LMNB1: variants seen among roughly 807,000 people sequenced by gnomAD.
LMNB1 encodes lamin B1.
Under a neutral mutation model 67.1 loss-of-function variants are expected in LMNB1, and 23 were observed. The observed-to-expected ratio is 0.34, with a 90% CI of 0.25 to 0.49. The LOEUF (loss-of-function observed/expected upper bound fraction) is 0.49. Among genes scored for constraint, LMNB1 ranks in the 20% least tolerant of loss-of-function variants. The pLI is 0.99. For missense variants in LMNB1, 634 were observed against 746.5 expected (o/e 0.85, Z 1.76); for synonymous variants, 281 against 282.9 (o/e 0.99, Z 0.07).
chr5:126,834,058 G>T (rs1353336268), intron 10 of LMNB1, among the ~76,000 whole-genome samples: 1 of 152,224 alleles, frequency 6.6e-6, no homozygotes, highest in Non-Finnish European at 1.5e-5. Context: ...ACTCAATCGA[G>T]CAGGCTGTGT....
At chr5:126,800,973 A>T (rs1267556512) in intron 1 of LMNB1, among the ~76,000 whole-genome samples, 858 of 60,734 alleles carry the variant, frequency 0.014, 23 homozygotes, top group African/African-American at 0.032. Context: ...ATATATATAT[A>T]TATATATAAT....
intron 1 of LMNB1, among the ~76,000 whole-genome samples, chr5:126,796,258 G>T (rs1355545173): frequency 6.6e-6 from 1 of 151,496 alleles, no homozygotes; most frequent in Non-Finnish European, 1.5e-5. Flanking sequence ...TCCTTTTTTT[G>T]CCTTGCCCTG....
In LMNB1 at chr5:126,783,059, C is replaced by T. The variant is rs550050085; in HGVS notation, c.359+5192C>T. ...CATAAAAATACAAAAATCAGCCGGGCGTGGTGGTGCACGCCTGTAATCCCA... is the reference window on the plus strand; with the variant it reads ...CATAAAAATACAAAAATCAGCCGGGTGTGGTGGTGCACGCCTGTAATCCCA... On this transcript the variant is annotated intron_variant, in intron 1 of 10. Transcript: ENST00000261366. 2.1e-3 allele frequency among the ~76,000 whole-genome samples: 317 copies of T among 151,570 alleles called. 3 individuals are homozygous for T. Among genetic ancestry groups the T allele is most frequent in the African/African-American group, 7.3e-3 (301 of 41,362 alleles).
intron 10 of LMNB1, among the ~76,000 whole-genome samples, chr5:126,833,844 A>G (rs1392323883): frequency 6.6e-6 from 1 of 152,232 alleles, no homozygotes; most frequent in South Asian, 2.1e-4. Flanking sequence ...ATGCTTGTCC[A>G]CTAATTTGAA....
intron 1 of LMNB1, among the ~76,000 whole-genome samples, chr5:126,801,572 C>T (rs529945541): frequency 6.6e-6 from 1 of 152,296 alleles, no homozygotes; most frequent in South Asian, 2.1e-4. Context: ...CAGTATCTTT[C>T]ACTTGGTAGT....
chr5:126,790,533 A>C (rs962740416), intron 1 of LMNB1, among the ~76,000 whole-genome samples: 3 of 152,064 alleles, frequency 2.0e-5, no homozygotes, highest in Non-Finnish European at 2.9e-5. Flanking sequence ...TTTGCCTATC[A>C]CACCTTTTGA....
intron 1 of LMNB1, among the ~76,000 whole-genome samples, chr5:126,795,969 G>A (rs534222091): frequency 1.9e-5 from 2 of 102,942 alleles, no homozygotes; most frequent in South Asian, 6.4e-4. Context: ...TTTCACTCTT[G>A]TTGCCCAGGT....
intron 1 of LMNB1, among the ~76,000 whole-genome samples, chr5:126,786,745 A>G (rs989798031): frequency 2.6e-5 from 4 of 152,110 alleles, no homozygotes; most frequent in African/African-American, 9.7e-5. Flanking sequence ...TACTAGTTGC[A>G]TGTTTTTCAC....
chr5:126,792,142 CTTTTTTT>C, intron 1 of LMNB1, among the ~76,000 whole-genome samples: 1 of 123,132 alleles, frequency 8.1e-6, no homozygotes, highest in African/African-American at 3.0e-5. Flanking sequence ...GATTTGGTTC[CTTTTTTT>C]TTTTTTTTTT....
chr5:126,829,903 A>G (rs1007712146), intron 9 of LMNB1, among the ~76,000 whole-genome samples: 1 of 152,132 alleles, frequency 6.6e-6, no homozygotes, highest in Admixed American at 6.6e-5. Context: ...GGGAGGGGGC[A>G]CTGGGTGGTT....
In LMNB1 at chr5:126,827,520, G is replaced by A. The variant is rs1752023906; in HGVS notation, c.1611+1413G>A. ...TACTAAAAACACAAGAATTAGCCGG[G>A]CATGGTGGCACGTGCCTGTAGTCCA... On this transcript the variant is annotated intron_variant, in intron 9 of 10. Transcript: ENST00000261366. 2.6e-5 allele frequency among the ~76,000 whole-genome samples: 4 copies of A among 152,126 alleles called. No homozygotes were observed. The South Asian group carries it at 8.3e-4, about 32-fold the overall frequency.
At chr5:126,801,185 G>A (rs772070112) in intron 1 of LMNB1, among the ~76,000 whole-genome samples, 19 of 149,952 alleles carry the variant, frequency 1.3e-4, no homozygotes, top group Non-Finnish European at 2.1e-4. Flanking sequence ...GGGTCTCACC[G>A]TGTTGCCCAG....
intron 5 of LMNB1, among the ~76,000 whole-genome samples, chr5:126,818,261 CAG>C (rs1035565096): frequency 1.9e-4 from 25 of 134,160 alleles, no homozygotes; most frequent in African/African-American, 6.7e-4. Flanking sequence ...TTTTTTGAGA[CAG>C]AGTCTCGCTC....
At position 126,808,033 on chromosome 5, in the gene LMNB1, G is replaced by A. The variant is rs1279962628; in HGVS notation, c.643-2147G>A. Among the ~76,000 whole-genome samples, 5 of 151,862 alleles carry A rather than the reference G, an allele frequency of 3.3e-5. No individual in the cohort carries two copies. In the East Asian group the frequency reaches 5.8e-4, roughly 18 times the overall value. On this transcript the variant is annotated intron_variant, in intron 3 of 10. Transcript: ENST00000261366. ...TCTACAGGCATGTGCCACCATGCCCGGCTAAGTTTTGTATTTTTAGTAGAG... is the reference window on the plus strand; with the variant it reads ...TCTACAGGCATGTGCCACCATGCCCAGCTAAGTTTTGTATTTTTAGTAGAG...
At chr5:126,787,437 A>ATATGTATATGTTATATATAACATATATTT in intron 1 of LMNB1, among the ~76,000 whole-genome samples, 1 of 138,608 alleles carries the variant, frequency 7.2e-6, no homozygotes, top group Non-Finnish European at 1.6e-5. Flanking sequence ...TATACATCTT[A>ATATGTATATGTTATATATAACATATATTT]TATGTATATG....
At chr5:126,787,546 A>ATATTTTTTTTTTTTTT in intron 1 of LMNB1, among the ~76,000 whole-genome samples, 7 of 65,572 alleles carry the variant, frequency 1.1e-4, no homozygotes, top group African/African-American at 2.6e-4. Flanking sequence ...ATATATATAT[A>ATATTTTTTTTTTTTTT]TTTTTTTTTT....
In LMNB1 at chr5:126,819,023, G is replaced by A. The variant is rs202037109; in HGVS notation, c.1041G>A (p.Ala347=). The A allele has an allele frequency of 5.4e-5, 87 of 1,613,936 alleles. No homozygotes were observed. Among genetic ancestry groups the A allele is most frequent in the Non-Finnish European group, 6.8e-5 (80 of 1,179,962 alleles). The change falls in exon 6 of 11, where the codon GCG becomes GCA. Residue 347 remains alanine, a synonymous_variant. Transcript: ENST00000261366. ...RMLTDKEREM[A]EIRDQMQQQL... ...TGACAGACAAAGAGAGAGAGATGGCGGAAATAAGGGATCAAATGCAGCAAC... is the reference window on the plus strand; with the variant it reads ...TGACAGACAAAGAGAGAGAGATGGCAGAAATAAGGGATCAAATGCAGCAAC...
intron 3 of LMNB1, among the ~76,000 whole-genome samples, chr5:126,806,243 A>G (rs531603072): frequency 3.9e-5 from 6 of 152,326 alleles, no homozygotes; most frequent in South Asian, 4.1e-4. Context: ...GTGAGCCACC[A>G]CATCCGGCCT....
rs558432904 is a variant in LMNB1 at position 126,777,616 on chromosome 5, G to C, written c.108G>C (p.Leu36=). 2.5e-5 allele frequency: 38 copies of C among 1,540,830 alleles called. No individual in the cohort carries two copies. In the African/African-American group the frequency reaches 3.6e-4, roughly 15 times the overall value. The change falls in exon 1 of 11, where the codon CTG becomes CTC. Residue 36 remains leucine, a synonymous_variant. Coordinates refer to ENST00000261366, the MANE Select transcript of LMNB1 (RefSeq NM_005573.4). ...RLSRLQEKEE[L]RELNDRLAVY... ...CGCGGCTCCAGGAGAAGGAGGAGCT[G>C]CGCGAGCTCAATGACCGGCTGGCGG... is the stretch of plus-strand genomic sequence containing the variant.
Sources: gnomAD v4.1 joint callset for allele counts (sites outside exome capture counted in the v4.1 genomes callset) on GRCh38, gnomAD v4.1.1 for gene constraint, MANE v1.5 for transcripts, NCBI Gene and HGNC (gene_info 2026-07-23, HGNC 2026-07-21) for gene names.